Variants in UBIAD1 observed in about 807,000 individuals in gnomAD.
UBIAD1 encodes the protein ubiA prenyltransferase domain-containing protein 1.
A neutral mutation model predicts 20.1 loss-of-function variants in UBIAD1; 12 were observed. The observed-to-expected ratio is 0.60, with a 90% CI of 0.38 to 0.97. UBIAD1 has a LOEUF of 0.97. UBIAD1 is among the 50% of genes least tolerant of loss of function. The pLI, the probability that UBIAD1 is intolerant of heterozygous loss-of-function variation, is 0.00. For missense variants in UBIAD1, 333 were observed against 419.5 expected, an observed-to-expected ratio of 0.79 and a Z score of 1.80; for synonymous variants, 207 against 189.2, an observed-to-expected ratio of 1.09 and a Z score of -0.77.
At chr1:11,274,701 C>G (rs911499848) in intron 1 of UBIAD1, among the ~76,000 whole-genome samples, 2 of 151,960 alleles carry the variant, frequency 1.3e-5, no homozygotes, top group African/African-American at 4.8e-5. Context: ...CCTCTGTCTC[C>G]CGGCTTCAAG....
chr1:11,278,732 A>G (rs1216897965), intron 1 of UBIAD1: 16 of 804,866 alleles, frequency 2.0e-5, no homozygotes, highest in Admixed American at 2.8e-5. Flanking sequence ...TCATTTTGCT[A>G]ACACTGGTGT....
At position 11,286,744 on chromosome 1, in the gene UBIAD1, TG is replaced by T. The variant is rs1276452234; in HGVS notation, c.*614del. ...TTTTGTTCTCTCTCCTTTCACTTAT[TG>T]CCACAGTTGAGGAAAAGTGTCAGAT... is the stretch of plus-strand genomic sequence containing the variant. On this transcript the variant is annotated 3_prime_UTR_variant, in exon 2 of 2. Coordinates refer to ENST00000376810, the MANE Select transcript of UBIAD1 (RefSeq NM_013319.3). 6.4e-6 allele frequency: 1 copy of T among 155,150 alleles called. No homozygotes were observed. Among genetic ancestry groups the T allele is most frequent in the Non-Finnish European group, 1.4e-5 (1 of 69,962 alleles). 9.6% of individuals were successfully genotyped at this position (155,150 alleles called of 1,614,324 possible).
chr1:11,292,605 C>T (rs904356855), downstream of UBIAD1, among the ~76,000 whole-genome samples: 9 of 151,838 alleles, frequency 5.9e-5, no homozygotes, highest in Admixed American at 5.3e-4. Context: ...AGACTGTTGA[C>T]TGTCTGGCCA....
At chr1:11,291,452 C>CAAAAATA (rs1638364223), downstream of UBIAD1, among the ~76,000 whole-genome samples, 1 of 151,768 alleles carries the variant, frequency 6.6e-6, no homozygotes, top group African/African-American at 2.4e-5. Context: ...TACAAAAATA[C>CAAAAATA]AAAAATTAGC....
At position 11,285,830 on chromosome 1, in the gene UBIAD1, C is replaced by G; in HGVS notation, c.716C>G (p.Ser239Cys). 4 of 1,614,212 alleles carry G rather than the reference C, an allele frequency of 2.5e-6. No homozygotes were observed. The highest frequency in any genetic ancestry group is 3.4e-6 in the Non-Finnish European group (4 of 1,180,042). Residue 239 changes from serine (S) to cysteine (C), a missense_variant, in exon 2 of 2, where the codon TCC becomes TGC. By Grantham distance (112) the Ser-to-Cys change is moderately radical. This residue lies in a region of UBIAD1 where 226 missense variants were observed against 263.5 expected (regional missense o/e 0.86). Coordinates refer to ENST00000376810, the MANE Select transcript of UBIAD1 (RefSeq NM_013319.3). The surrounding 1 kb of genome is among the most constrained non-coding windows in gnomAD (Gnocchi z 4.4). ...TCCAACAACACCAGGGACATGGAGT[C>G]CGACCGGGAGGCTGGTATCGTCACG... ...LHSNNTRDME[S>C]DREAGIVTLA...
chr1:11,280,988 T>A (rs1652222510), intron 1 of UBIAD1, among the ~76,000 whole-genome samples: 1 of 152,082 alleles, frequency 6.6e-6, no homozygotes, highest in Middle Eastern at 3.2e-3. Context: ...GCCCACCTTT[T>A]GCCCTCCCCC....
intron 1 of UBIAD1, among the ~76,000 whole-genome samples, chr1:11,279,539 C>T (rs947379197): frequency 2.0e-5 from 3 of 152,148 alleles, no homozygotes; most frequent in Admixed American, 2.0e-4. Flanking sequence ...TTCTCAGCCT[C>T]CCAAGTAGCT....
At position 11,276,763 on chromosome 1, in the gene UBIAD1, TA is replaced by T. The variant is rs574096714; in HGVS notation, c.529+2715del. Among the ~76,000 whole-genome samples, 702 of 144,918 alleles carry T rather than the reference TA, an allele frequency of 4.8e-3. 7 individuals carry two copies. The highest frequency in any genetic ancestry group is 0.015 in the African/African-American group (594 of 39,968). ...ACTTAACCTTAAGTGCATAGTTTGT[TA>T]AAAAAAAAAAACTGTAAGCAAATAT... On this transcript the variant is annotated intron_variant, in intron 1 of 1. Transcript: ENST00000376810.
chr1:11,294,117 C>T (rs973971795), intron 1 of UBIAD1, among the ~76,000 whole-genome samples: 4 of 152,184 alleles, frequency 2.6e-5, no homozygotes, highest in African/African-American at 7.2e-5. Flanking sequence ...ATGGACCAGG[C>T]ACTGTTCTGA....
downstream of UBIAD1, among the ~76,000 whole-genome samples, chr1:11,296,367 C>A (rs751606242): frequency 3.9e-5 from 6 of 152,162 alleles, no homozygotes; most frequent in Non-Finnish European, 7.3e-5. Context: ...AGACAAGCTA[C>A]ATAACCTCTT....
At chr1:11,283,227 G>A (rs577107715) in intron 1 of UBIAD1, among the ~76,000 whole-genome samples, 1 of 152,304 alleles carries the variant, frequency 6.6e-6, no homozygotes, top group African/African-American at 2.4e-5. Flanking sequence ...AAAGGTCAAG[G>A]CTGTAGTGCT....
chr1:11,280,042 A>G (rs1652190525), intron 1 of UBIAD1, among the ~76,000 whole-genome samples: 1 of 152,182 alleles, frequency 6.6e-6, no homozygotes, highest in South Asian at 2.1e-4. Flanking sequence ...AGTGAAGGAA[A>G]TCAATGAGGT....
chr1:11,273,952 T>G lies in UBIAD1; in HGVS notation c.421T>G (p.Leu141Val). Residue 141 changes from leucine (L) to valine (V), a missense_variant, in exon 1 of 2, where the codon TTG becomes GTG. This residue lies in a region of UBIAD1 where 226 missense variants were observed against 263.5 expected (regional missense o/e 0.86). Coordinates refer to ENST00000376810, the MANE Select transcript of UBIAD1 (RefSeq NM_013319.3). This position sits in a 1 kb window ranked among gnomAD's most constrained non-coding sequence, Gnocchi z 4.9. ...VVRFGVFLYT[L>V]GCVCAACLYY... ...CCGGTTCGGAGTCTTCCTCTACACG[T>G]TGGGCTGCGTCTGTGCCGCTTGCCT... The G allele has an allele frequency of 1.9e-6, 3 of 1,614,220 alleles. No homozygotes were observed. Among genetic ancestry groups the G allele is most frequent in the Non-Finnish European group, 2.5e-6 (3 of 1,180,026 alleles).
Position 11,286,121 on chromosome 1 carries a change from C to T in UBIAD1, c.1007C>T (p.Pro336Leu). The stretch of plus-strand genomic sequence containing the variant: ...ATTCTGGCACCAGCAGGCAGTCTGC[C>T]CAAAATTTAAGGGGACAAGTAGCTC... ...GIILAPAGSL[P>L]KI The change falls in exon 2 of 2, where the codon CCC becomes CTC. Residue 336 changes from proline to leucine, a missense_variant. Physicochemically the swap from Pro to Leu is moderately conservative, Grantham distance 98 (BLOSUM62 -3). Transcript: ENST00000376810. The T allele has an allele frequency of 6.2e-7, 1 of 1,614,156 alleles. No individual in the cohort carries two copies.
At chr1:11,274,099 C>CG (rs761282700) in intron 1 of UBIAD1, 39 bp downstream of exon 1, 1 of 1,612,328 alleles carries the variant, frequency 6.2e-7, no homozygotes, top group Non-Finnish European at 8.5e-7. Context: ...AGGTCTTAGT[C>CG]GCGTCCACTG....
rs1221388130 is a variant in UBIAD1, at chr1:11,286,339, ATTC to A, written c.*211_*213del. On this transcript the variant is annotated 3_prime_UTR_variant, in exon 2 of 2. Transcript: ENST00000376810. Reference sequence around the variant, plus strand: ...CCATTTTATGGGGAATTTAAAAACCATTCTTGTATCAGAAGGTGAATTAGGCGC... The same window carrying A: ...CCATTTTATGGGGAATTTAAAAACCATTGTATCAGAAGGTGAATTAGGCGC... 1 of 662,756 alleles carries A rather than the reference ATTC, an allele frequency of 1.5e-6. No homozygotes were observed. The highest frequency in any genetic ancestry group is 2.5e-6 in the Non-Finnish European group (1 of 398,148). The allele number at this position is 662,756 out of a possible 1,614,324, so 41.1% of individuals were successfully genotyped here.
downstream of UBIAD1, among the ~76,000 whole-genome samples, chr1:11,290,695 C>G (rs2101026840): frequency 6.6e-6 from 1 of 152,280 alleles, no homozygotes; most frequent in East Asian, 1.9e-4. Context: ...TTAAAACCAC[C>G]AGGCCAGGTG....
downstream of UBIAD1, among the ~76,000 whole-genome samples, chr1:11,291,584 G>A (rs564494879): frequency 6.7e-6 from 1 of 148,306 alleles, no homozygotes; most frequent in East Asian, 2.0e-4. Flanking sequence ...TCCAGCCTGG[G>A]TGACAGAGCG....
At chr1:11,289,587 C>T (rs1638331748), downstream of UBIAD1, among the ~76,000 whole-genome samples, 5 of 151,914 alleles carry the variant, frequency 3.3e-5, no homozygotes, top group Admixed American at 3.3e-4. Context: ...TTTTTTGAGA[C>T]TATGTCTCAG....
Sources: gnomAD v4.1 joint callset for allele counts (sites outside exome capture counted in the v4.1 genomes callset) on GRCh38, gnomAD v4.1.1 for gene constraint, gnomAD v4.1.1 regional missense constraint, Gnocchi (gnomAD v3.1) non-coding constraint, MANE v1.5 for transcripts, NCBI Gene and HGNC (gene_info 2026-07-23, HGNC 2026-07-21) for gene names.